The following GPM6B variants were observed in gnomAD, a reference collection of about 807,000 sequenced individuals.
GPM6B encodes glycoprotein M6B, also known as neuronal membrane glycoprotein M6-b.
GPM6B carries 4 observed loss-of-function variants against 27.2 expected under a neutral mutation model. The ratio of observed to expected loss-of-function variants is 0.15; its 90% CI spans 0.07 to 0.34. The LOEUF (loss-of-function observed/expected upper bound fraction) is 0.34. Ranked by LOEUF, GPM6B falls within the 10% of genes least tolerant of loss-of-function variation. GPM6B has a pLI of 1.00. For synonymous variants in GPM6B, 124 were observed against 103.1 expected (o/e 1.20, Z -1.23); for missense variants, 183 against 261.9 (o/e 0.70, Z 2.08).
intron 1 of GPM6B, among the ~76,000 whole-genome samples, chrX:13,898,552 T>C (rs2050253175): frequency 2.7e-5 from 3 of 112,317 alleles, no homozygotes; most frequent in Admixed American, 1.9e-4. Context: ...GTGATGCCAA[T>C]GCACATTAAA....
chrX:13,847,540 T>C (rs1048498359), intron 1 of GPM6B, among the ~76,000 whole-genome samples: 19 of 111,948 alleles, frequency 1.7e-4, no homozygotes, highest in African/African-American at 5.8e-4. Context: ...CATTTCTTTA[T>C]AGAAAATGGA....
intron 1 of GPM6B, among the ~76,000 whole-genome samples, chrX:13,923,133 G>A (rs1384173499): frequency 3.6e-5 from 4 of 110,158 alleles, no homozygotes; most frequent in Admixed American, 1.9e-4. Context: ...CTGAGATCAC[G>A]CCATTGCACT....
intron 1 of GPM6B, among the ~76,000 whole-genome samples, chrX:13,855,755 G>A (rs917492146): frequency 8.9e-6 from 1 of 111,740 alleles, no homozygotes; most frequent in African/African-American, 3.3e-5. Context: ...CACCCTAGAA[G>A]GCTCCCTGGG....
At chrX:13,917,294 A>G (rs1283551233) in intron 1 of GPM6B, among the ~76,000 whole-genome samples, 1 of 112,549 alleles carries the variant, frequency 8.9e-6, no homozygotes, top group Non-Finnish European at 1.9e-5. Context: ...TAAAACTCAA[A>G]ATCTTAAATG....
At position 13,890,531 on chromosome X, in the gene GPM6B, T is replaced by A. The variant is rs1450828344; in HGVS notation, c.-198+47796A>T. On this transcript the variant is annotated intron_variant, in intron 1 of 6. Coordinates refer to the GPM6B transcript ENST00000398361. Reference sequence around the variant, plus strand: ...TTGTAACACTATTAGTTAGTTACTCTCAATAGTCATTGAAGAAGGAAGTGT... The same window carrying A: ...TTGTAACACTATTAGTTAGTTACTCACAATAGTCATTGAAGAAGGAAGTGT... Among the ~76,000 whole-genome samples the A allele has an allele frequency of 3.6e-5, 4 of 111,808 alleles. No individual in the cohort carries two copies. In the Admixed American group the frequency reaches 3.8e-4, roughly 11 times the overall value.
intron 2 of GPM6B, among the ~76,000 whole-genome samples, chrX:13,801,254 A>T (rs1381265607): frequency 9.0e-6 from 1 of 111,660 alleles, no homozygotes; most frequent in African/African-American, 3.3e-5. Flanking sequence ...TCTAGAAAGT[A>T]CCAAGAAATT....
chrX:13,891,237 T>C (rs779915620), intron 1 of GPM6B, among the ~76,000 whole-genome samples: 23 of 111,671 alleles, frequency 2.1e-4, no homozygotes, highest in African/African-American at 7.2e-4. Flanking sequence ...CGGAAGGTCA[T>C]TAGAAATCTG....
chrX:13,840,897 G>T (rs751188536), intron 1 of GPM6B, among the ~76,000 whole-genome samples: 1 of 112,008 alleles, frequency 8.9e-6, no homozygotes, highest in African/African-American at 3.3e-5. Context: ...CAAAGGAGGT[G>T]TCGGATAGGG....
At chrX:13,884,687 C>T (rs2050117539) in intron 1 of GPM6B, among the ~76,000 whole-genome samples, 1 of 112,051 alleles carries the variant, frequency 8.9e-6, no homozygotes, top group Admixed American at 9.5e-5. Context: ...AATAAGCAGT[C>T]TCCATTTTCT....
intron 1 of GPM6B, among the ~76,000 whole-genome samples, chrX:13,892,401 ATTAC>A (rs2050196660): frequency 9.0e-6 from 1 of 111,417 alleles, no homozygotes; most frequent in Non-Finnish European, 1.9e-5. Context: ...GGGTTTTGCC[ATTAC>A]TTTTAATGGT....
At chrX:13,807,817 G>T in intron 1 of GPM6B, 48 bp from the exon 2 acceptor site, 5 of 1,103,865 alleles carry the variant, frequency 4.5e-6, no homozygotes, top group Non-Finnish European at 6.1e-6. Flanking sequence ...CTCCAGCAAA[G>T]ATTCTATATC....
chrX:13,869,024 C>T (rs983584531), intron 1 of GPM6B, among the ~76,000 whole-genome samples: 1 of 111,980 alleles, frequency 8.9e-6, no homozygotes, highest in Admixed American at 9.5e-5. Flanking sequence ...GAAGGGCAGT[C>T]TACCCTAGTA....
At chrX:13,865,559 A>AAAAAAAAAAAAAAAGAAAG (rs34662549) in intron 1 of GPM6B, among the ~76,000 whole-genome samples, 3 of 52,927 alleles carry the variant, frequency 5.7e-5, no homozygotes, top group Non-Finnish European at 1.1e-4. Flanking sequence ...AAAAAAAAAA[A>AAAAAAAAAAAAAAAGAAAG]AAAGAAAGAA....
At chrX:13,874,214 T>A (rs2050009010) in intron 1 of GPM6B, among the ~76,000 whole-genome samples, 1 of 112,035 alleles carries the variant, frequency 8.9e-6, no homozygotes, top group Non-Finnish European at 1.9e-5. Context: ...TTTTCATTTT[T>A]TAAAAAGCCT....
intron 1 of GPM6B, 89 bp downstream of exon 1, chrX:13,816,755 T>C: frequency 9.4e-7 from 1 of 1,060,234 alleles, no homozygotes; most frequent in Non-Finnish European, 1.3e-6. Flanking sequence ...CTCAGAGCCA[T>C]TTTAAAAGAG....
At chrX:13,854,033 A>AT (rs1264929791) in intron 1 of GPM6B, among the ~76,000 whole-genome samples, 2 of 111,727 alleles carry the variant, frequency 1.8e-5, no homozygotes, top group East Asian at 5.6e-4. Context: ...ACAACCTCAC[A>AT]TGATGAAATT....
chrX:13,861,306 T>A (rs955057996), intron 1 of GPM6B, among the ~76,000 whole-genome samples: 1 of 110,632 alleles, frequency 9.0e-6, no homozygotes, highest in African/African-American at 3.3e-5. Context: ...ATGATTTTTT[T>A]TCCCCCTGGG....
intron 1 of GPM6B, among the ~76,000 whole-genome samples, chrX:13,880,869 G>C (rs945281470): frequency 5.5e-5 from 6 of 109,582 alleles, no homozygotes; most frequent in African/African-American, 2.0e-4. Flanking sequence ...CAGCTTTCAG[G>C]TGTTCAAATA....
intron 1 of GPM6B, among the ~76,000 whole-genome samples, chrX:13,932,700 G>A (rs1921635977): frequency 8.9e-6 from 1 of 111,841 alleles, no homozygotes; most frequent in South Asian, 3.8e-4. Context: ...TACACATGGT[G>A]AGGATGGAAA....
Sources: allele counts gnomAD v4.1 joint callset (sites outside exome capture counted in the v4.1 genomes callset), GRCh38; gene constraint gnomAD v4.1.1; transcripts MANE v1.5; gene names NCBI Gene and HGNC (gene_info 2026-07-23, HGNC 2026-07-21).